CADPS2: variants seen among roughly 807,000 people sequenced by gnomAD.
CADPS2 encodes calcium dependent secretion activator 2, also known as calcium-dependent secretion activator 2.
A neutral mutation model predicts 172.5 loss-of-function variants in CADPS2; 93 were observed. The observed-to-expected ratio is 0.54, with a 90% confidence interval of 0.46 to 0.64. The LOEUF is 0.64. Ranked by LOEUF, CADPS2 falls within the 30% of genes least tolerant of loss-of-function variation. The pLI is 0.00. For missense variants in CADPS2, 1,420 were observed against 1,565.9 expected, an observed-to-expected ratio of 0.91 and a Z score of 1.57; for synonymous variants, 546 against 555.2, an observed-to-expected ratio of 0.98 and a Z score of 0.23.
At chr7:122,743,348 T>C (rs1253248001) in intron 1 of CADPS2, among the ~76,000 whole-genome samples, 2 of 152,180 alleles carry the variant, frequency 1.3e-5, no homozygotes, top group Non-Finnish European at 2.9e-5. Context: ...TTTCATCCTT[T>C]TCATTCTGAA....
chr7:122,755,510 G>A (rs1353235046), intron 1 of CADPS2, among the ~76,000 whole-genome samples: 1 of 152,092 alleles, frequency 6.6e-6, no homozygotes, highest in Non-Finnish European at 1.5e-5. Context: ...TTGTCAAAAT[G>A]TTTAATGAAG....
intron 2 of CADPS2, among the ~76,000 whole-genome samples, chr7:122,721,765 T>A (rs1194626125): frequency 6.6e-6 from 1 of 152,142 alleles, no homozygotes; most frequent in Non-Finnish European, 1.5e-5. Flanking sequence ...CCAATATCCC[T>A]GATGAAAATC....
At chr7:122,658,431 C>G (rs1475426254) in intron 3 of CADPS2, among the ~76,000 whole-genome samples, 2 of 152,166 alleles carry the variant, frequency 1.3e-5, no homozygotes, top group Non-Finnish European at 2.9e-5. Context: ...TATAAAGATA[C>G]AGGCACAGTA....
At chr7:122,559,894 G>A (rs964335290) in intron 7 of CADPS2, among the ~76,000 whole-genome samples, 2 of 151,998 alleles carry the variant, frequency 1.3e-5, no homozygotes, top group South Asian at 4.2e-4. Context: ...AGTCACCAAG[G>A]AGGCAGAAGA....
intron 6 of CADPS2, among the ~76,000 whole-genome samples, chr7:122,602,655 C>T (rs539894957): frequency 3.3e-5 from 5 of 151,994 alleles, no homozygotes; most frequent in Non-Finnish European, 5.9e-5. Context: ...GGCTCCCACT[C>T]TGCTTGGATC....
intron 28 of CADPS2, among the ~76,000 whole-genome samples, chr7:122,329,487 T>G (rs1235484029): frequency 6.6e-6 from 1 of 152,184 alleles, no homozygotes; most frequent in Non-Finnish European, 1.5e-5. Flanking sequence ...AGGATTAAAG[T>G]TGTTTCTCCG....
At chr7:122,652,335 A>G (rs1463059063) in intron 3 of CADPS2, among the ~76,000 whole-genome samples, 2 of 152,206 alleles carry the variant, frequency 1.3e-5, no homozygotes, top group East Asian at 3.8e-4. Context: ...TGTCTTATTT[A>G]AAAATAACTT....
chr7:122,671,988 G>C (rs796219975), intron 2 of CADPS2, among the ~76,000 whole-genome samples: 9 of 152,274 alleles, frequency 5.9e-5, no homozygotes, highest in African/African-American at 2.2e-4. Flanking sequence ...ATATGAAAAG[G>C]GGAGGAAAGG....
At chr7:122,872,955 G>A (rs1158160228) in intron 1 of CADPS2, among the ~76,000 whole-genome samples, 3 of 152,050 alleles carry the variant, frequency 2.0e-5, no homozygotes, top group African/African-American at 7.2e-5. Context: ...CTTTGAATCA[G>A]AATAGTAAGC....
At chr7:122,616,443 G>A (rs968959094) in intron 5 of CADPS2, among the ~76,000 whole-genome samples, 2 of 152,084 alleles carry the variant, frequency 1.3e-5, no homozygotes, top group African/African-American at 2.4e-5. Context: ...TCTGTTACAA[G>A]AGAAGGGTCA....
chr7:122,558,932 G>A (rs565716453), intron 7 of CADPS2, among the ~76,000 whole-genome samples: 3 of 152,196 alleles, frequency 2.0e-5, no homozygotes, highest in East Asian at 3.9e-4. Context: ...CTGGGTGCTG[G>A]GGGAGACAAG....
chr7:122,654,940 T>C (rs1003208890), intron 3 of CADPS2, among the ~76,000 whole-genome samples: 1 of 152,182 alleles, frequency 6.6e-6, no homozygotes, highest in Non-Finnish European at 1.5e-5. Context: ...TTGGAAGAAG[T>C]TGATTCCAAT....
intron 1 of CADPS2, among the ~76,000 whole-genome samples, chr7:122,849,275 T>C (rs1433318422): frequency 1.3e-5 from 2 of 152,256 alleles, no homozygotes; most frequent in Admixed American, 1.3e-4. Flanking sequence ...CCTCAATCTG[T>C]AAAATATCTG....
intron 1 of CADPS2, among the ~76,000 whole-genome samples, chr7:122,831,020 G>A (rs1438518436): frequency 6.6e-6 from 1 of 152,098 alleles, no homozygotes; most frequent in Non-Finnish European, 1.5e-5. Context: ...AAATTTAATG[G>A]AGAAATTAAA....
chr7:122,377,727 TC>T (rs571994420), intron 25 of CADPS2, among the ~76,000 whole-genome samples: 1 of 152,070 alleles, frequency 6.6e-6, no homozygotes, highest in South Asian at 2.1e-4. Context: ...GTTCACCCCT[TC>T]CCCCCATGGT....
chr7:122,406,019 G>A (rs963614677), intron 20 of CADPS2, among the ~76,000 whole-genome samples: 1 of 152,196 alleles, frequency 6.6e-6, no homozygotes, highest in Non-Finnish European at 1.5e-5. Flanking sequence ...AGAGAGACGT[G>A]AATCTGTCTA....
chr7:122,698,644 A>G, intron 2 of CADPS2: 1 of 1,614,060 alleles, frequency 6.2e-7, no homozygotes. Flanking sequence ...TGATCGGCTG[A>G]AAATGGTATT....
At chr7:122,754,792 T>C (rs1433582439) in intron 1 of CADPS2, among the ~76,000 whole-genome samples, 1 of 152,244 alleles carries the variant, frequency 6.6e-6, no homozygotes, top group Non-Finnish European at 1.5e-5. Flanking sequence ...TTCAAACTTT[T>C]AATCTTATGA....
At chr7:122,432,622 C>T (rs558193219) in intron 17 of CADPS2, among the ~76,000 whole-genome samples, 1 of 104,246 alleles carries the variant, frequency 9.6e-6, no homozygotes, top group African/African-American at 3.8e-5. Context: ...GCCTGGGCAA[C>T]AAGGCAAGAC....
Sources: gnomAD v4.1 joint callset for allele counts (sites outside exome capture counted in the v4.1 genomes callset) on GRCh38, gnomAD v4.1.1 for gene constraint, MANE v1.5 for transcripts, NCBI Gene and HGNC (gene_info 2026-07-23, HGNC 2026-07-21) for gene names.